Variants in TRDN observed in about 807,000 individuals in gnomAD.
TRDN encodes the protein triadin in skeletal muscle.
In TRDN, 161 loss-of-function variants were observed where a neutral mutation model predicts 149.7. The observed-to-expected ratio is 1.08, with a 90% CI of 0.95 to 1.23. TRDN has a LOEUF of 1.23. Ranked by LOEUF, TRDN falls within the 50% of genes most tolerant of loss-of-function variation. The pLI, the probability that TRDN is intolerant of heterozygous loss-of-function variation, is 0.00. For missense variants in TRDN, 896 were observed against 823.5 expected (o/e 1.09, Z -1.08); for synonymous variants, 294 against 250.5 (o/e 1.17, Z -1.64).
At chr6:123,359,772 C>T (rs916217493) in intron 20 of TRDN, among the ~76,000 whole-genome samples, 3 of 151,936 alleles carry the variant, frequency 2.0e-5, no homozygotes, top group South Asian at 2.1e-4. Context: ...CTCGGCTCAC[C>T]GCAAGCTCCG....
chr6:123,216,880 C>A lies in TRDN; in HGVS notation c.*1721G>T, dbSNP rs1350920702. ...GTCATTGAATGAAAGAATTAATGGA[C>A]AAACCATTCTGTTCTATGAAATCTA... On this transcript the variant is annotated 3_prime_UTR_variant, in exon 41 of 41. Transcript: ENST00000334268. 6.6e-6 allele frequency: 1 copy of A among 151,948 alleles called. No individual in the cohort carries two copies. The highest frequency in any genetic ancestry group is 2.4e-5 in the African/African-American group (1 of 41,412). 9.4% of individuals were successfully genotyped at this position (151,948 alleles called of 1,614,324 possible). A position where few individuals can be genotyped will look rare whatever the true frequency, so the allele number is the denominator to read the frequency against.
chr6:123,559,112 C>G (rs1176924109), intron 2 of TRDN, among the ~76,000 whole-genome samples: 2 of 152,244 alleles, frequency 1.3e-5, no homozygotes, highest in East Asian at 3.9e-4. Context: ...AAGACTGACA[C>G]TGCCCGATCA....
chr6:123,502,376 A>G, intron 8 of TRDN: 4 of 682,686 alleles, frequency 5.9e-6, no homozygotes, highest in Non-Finnish European at 7.2e-6. Flanking sequence ...AAAATTGGAA[A>G]AAGTTTTAGA....
At chr6:123,221,615 A>G in intron 39 of TRDN, 93 bp from the exon 40 acceptor site, 2 of 756,748 alleles carry the variant, frequency 2.6e-6, no homozygotes, top group Non-Finnish European at 2.1e-6. Context: ...ACAGAAGCAC[A>G]CTATGAAAGA....
At chr6:123,473,193 T>C (rs1035557231) in intron 9 of TRDN, among the ~76,000 whole-genome samples, 5 of 151,934 alleles carry the variant, frequency 3.3e-5, no homozygotes, top group African/African-American at 9.7e-5. Context: ...TTGAAAACTT[T>C]GAAAAAAATT....
rs1307855151 is a variant in TRDN at position 123,216,726 on chromosome 6, G to A, written c.*1875C>T. 3 of 151,846 alleles carry A rather than the reference G, an allele frequency of 2.0e-5. No homozygotes were observed. Among genetic ancestry groups the A allele is most frequent in the Non-Finnish European group, 4.4e-5 (3 of 67,922 alleles). The allele number at this position is 151,846 out of a possible 1,614,324, so 9.4% of individuals were successfully genotyped here. On this transcript the variant is annotated 3_prime_UTR_variant, in exon 41 of 41. Transcript: ENST00000334268. ...TTTTACTCATGGAGAAACAAACATA[G>A]TATGTTTAGTAAATTTTTCAAGGTC...
intron 27 of TRDN, 72 bp from the exon 28 acceptor site, chr6:123,273,435 T>C: frequency 1.3e-6 from 1 of 756,506 alleles, no homozygotes; most frequent in Non-Finnish European, 1.8e-6. Flanking sequence ...CAAATACAAC[T>C]GGTTATTGTA....
At chr6:123,583,438 A>T (rs1207406948) in intron 1 of TRDN, among the ~76,000 whole-genome samples, 1 of 152,132 alleles carries the variant, frequency 6.6e-6, no homozygotes, top group East Asian at 1.9e-4. Flanking sequence ...GAGAAGGGAA[A>T]GTCATAAAAG....
intron 4 of TRDN, among the ~76,000 whole-genome samples, chr6:123,533,339 G>T (rs1232860575): frequency 6.6e-6 from 1 of 152,054 alleles, no homozygotes; most frequent in East Asian, 1.9e-4. Context: ...AAGGGATTCT[G>T]GAGCTCACAC....
At chr6:123,526,386 T>C (rs41324447) in intron 5 of TRDN, among the ~76,000 whole-genome samples, 3 of 151,700 alleles carry the variant, frequency 2.0e-5, no homozygotes, top group Admixed American at 6.6e-5. Flanking sequence ...AAATTCTAGA[T>C]CCTATGGCTA....
chr6:123,462,311 A>C (rs1225226735), intron 10 of TRDN: 1 of 152,258 alleles, frequency 6.6e-6, no homozygotes, highest in Non-Finnish European at 1.5e-5. Flanking sequence ...TCAAGGCACT[A>C]AATAAGTGGA....
chr6:123,428,802 C>A (rs1774224060), intron 12 of TRDN, among the ~76,000 whole-genome samples: 1 of 151,984 alleles, frequency 6.6e-6, no homozygotes, highest in Admixed American at 6.6e-5. Context: ...TTGTATTTAC[C>A]CTATTATAGT....
intron 9 of TRDN, among the ~76,000 whole-genome samples, chr6:123,489,262 T>C (rs1778105801): frequency 1.3e-5 from 2 of 152,110 alleles, no homozygotes; most frequent in African/African-American, 4.8e-5. Context: ...CATATATATC[T>C]TTTAATCATT....
intron 1 of TRDN, among the ~76,000 whole-genome samples, chr6:123,573,830 C>T (rs1782694752): frequency 6.6e-6 from 1 of 151,964 alleles, no homozygotes; most frequent in South Asian, 2.1e-4. Flanking sequence ...ACCCTTCAAA[C>T]AGCTATGTAC....
chr6:123,355,134 T>C (rs762788204), intron 20 of TRDN, among the ~76,000 whole-genome samples: 1 of 151,638 alleles, frequency 6.6e-6, no homozygotes, highest in Non-Finnish European at 1.5e-5. Context: ...TTTACATTGA[T>C]TTGTATGCAT....
In TRDN at chr6:123,558,192, G is replaced by A. The variant is rs375231451; in HGVS notation, c.233-9580C>T. On this transcript the variant is annotated intron_variant, in intron 2 of 40. Transcript: ENST00000334268. Reference sequence around the variant, plus strand: ...TCCCAAACTTCCTTCTTTCCCTCCCGCCTGTCCCCTCAGTCCCAACCCCAA... The same window carrying A: ...TCCCAAACTTCCTTCTTTCCCTCCCACCTGTCCCCTCAGTCCCAACCCCAA... Among the ~76,000 whole-genome samples the A allele has an allele frequency of 4.6e-4, 70 of 151,708 alleles. 1 individual carries two copies. The South Asian group carries it at 0.012, about 25-fold the overall frequency.
chr6:123,569,632 G>C (rs1034685226), intron 2 of TRDN, among the ~76,000 whole-genome samples: 20 of 152,148 alleles, frequency 1.3e-4, no homozygotes, highest in Non-Finnish European at 2.9e-4. Flanking sequence ...TTGGATTCTG[G>C]GAGGGCTTCA....
intron 1 of TRDN, among the ~76,000 whole-genome samples, chr6:123,590,559 T>A (rs931866696): frequency 6.6e-6 from 1 of 151,982 alleles, no homozygotes; most frequent in Non-Finnish European, 1.5e-5. Context: ...GGTCAGGAGT[T>A]TGAGACCAGC....
intron 23 of TRDN, among the ~76,000 whole-genome samples, chr6:123,321,455 T>C (rs1779242557): frequency 6.6e-6 from 1 of 152,194 alleles, no homozygotes; most frequent in Non-Finnish European, 1.5e-5. Flanking sequence ...TGGACCTTTT[T>C]TTATTCAGGA....
Sources: gnomAD v4.1 joint callset for allele counts (sites outside exome capture counted in the v4.1 genomes callset) on GRCh38, gnomAD v4.1.1 for gene constraint, MANE v1.5 for transcripts, NCBI Gene and HGNC (gene_info 2026-07-23, HGNC 2026-07-21) for gene names.